PLCE1: variants seen among roughly 807,000 people sequenced by gnomAD.
PLCE1 encodes 1-phosphatidylinositol 4,5-bisphosphate phosphodiesterase epsilon-1.
A neutral mutation model predicts 242.8 loss-of-function variants in PLCE1; 119 were observed. The observed-to-expected ratio is 0.49, with a 90% CI of 0.42 to 0.57. The LOEUF (loss-of-function observed/expected upper bound fraction) is 0.57. Among genes scored for constraint, PLCE1 ranks in the 20% least tolerant of loss-of-function variants. PLCE1 has a pLI of 0.00. For synonymous variants in PLCE1, 945 were observed against 1,017.4 expected, an observed-to-expected ratio of 0.93 and a Z score of 1.35; for missense variants, 2,441 against 2,788.8, an observed-to-expected ratio of 0.88 and a Z score of 2.81.
In PLCE1 at chr10:94,298,349, A is replaced by T; in HGVS notation, c.5168-30A>T. 6.2e-7 allele frequency: 1 copy of T among 1,606,172 alleles called. No homozygotes were observed. The highest frequency in any genetic ancestry group is 8.5e-7 in the Non-Finnish European group (1 of 1,172,740). The stretch of plus-strand genomic sequence containing the variant: ...TAAAATATTTAAAGTTTTCTACACT[A>T]ATCTGCGGCTAATTTCTTGGGGGGT... On this transcript the variant is annotated intron_variant, in intron 23 of 32. Transcript: ENST00000371380. The surrounding 1 kb of genome is among the most constrained non-coding windows in gnomAD (Gnocchi z 5.2).
chr10:94,265,389 T>G (rs576042459), intron 14 of PLCE1, among the ~76,000 whole-genome samples: 20 of 152,370 alleles, frequency 1.3e-4, no homozygotes, highest in African/African-American at 4.6e-4. Context: ...TTTGTTTTCA[T>G]AGAAATCAGC....
At chr10:94,242,993 A>G (rs370772006) in intron 7 of PLCE1, among the ~76,000 whole-genome samples, 259 of 152,328 alleles carry the variant, frequency 1.7e-3, no homozygotes, top group African/African-American at 5.7e-3. Context: ...TTCACCCTCA[A>G]GGAAGTGCAA....
intron 3 of PLCE1, among the ~76,000 whole-genome samples, chr10:94,152,482 A>G (rs2047305779): frequency 6.6e-6 from 1 of 152,206 alleles, no homozygotes; most frequent in South Asian, 2.1e-4. Context: ...TCCCTCATAA[A>G]TTAAACTCTG....
At chr10:94,153,079 A>T (rs1413473695) in intron 3 of PLCE1, among the ~76,000 whole-genome samples, 4 of 152,190 alleles carry the variant, frequency 2.6e-5, no homozygotes, top group Admixed American at 2.6e-4. Context: ...CAGATTGTTT[A>T]TGATATGAAG....
At chr10:94,074,213 A>G (rs1360810023) in intron 2 of PLCE1, among the ~76,000 whole-genome samples, 1 of 123,338 alleles carries the variant, frequency 8.1e-6, no homozygotes, top group Non-Finnish European at 1.6e-5. Context: ...TTTTTCTTGT[A>G]GACAGAGTCT....
intron 4 of PLCE1, among the ~76,000 whole-genome samples, chr10:94,200,675 G>A (rs1424673275): frequency 6.6e-6 from 1 of 152,160 alleles, no homozygotes; most frequent in Non-Finnish European, 1.5e-5. Context: ...GTACAGTAGG[G>A]AAAGGGAGTA....
At chr10:94,295,343 T>C (rs189628488) in intron 23 of PLCE1, among the ~76,000 whole-genome samples, 1 of 152,290 alleles carries the variant, frequency 6.6e-6, no homozygotes, top group Admixed American at 6.5e-5. Context: ...TCGCCAAGAG[T>C]AGATTCCATC....
intron 27 of PLCE1, among the ~76,000 whole-genome samples, chr10:94,309,416 G>A (rs930763999): frequency 5.3e-5 from 8 of 151,914 alleles, no homozygotes; most frequent in Non-Finnish European, 8.8e-5. Context: ...CTGCAGCCTC[G>A]ACCTTCCTGG....
At chr10:94,295,664 C>T (rs1481656291) in intron 23 of PLCE1, among the ~76,000 whole-genome samples, 5 of 152,178 alleles carry the variant, frequency 3.3e-5, no homozygotes, top group Non-Finnish European at 5.9e-5. Context: ...TTTATTTTCA[C>T]CAGATCCATC....
intron 2 of PLCE1, among the ~76,000 whole-genome samples, chr10:94,116,694 CA>C (rs918618919): frequency 3.1e-4 from 46 of 147,004 alleles, no homozygotes; most frequent in Middle Eastern, 3.5e-3. Context: ...GACTCTGTCT[CA>C]AAAAAAAAAA....
At chr10:94,228,863 T>G (rs2050042438) in intron 5 of PLCE1, among the ~76,000 whole-genome samples, 1 of 152,080 alleles carries the variant, frequency 6.6e-6, no homozygotes, top group Non-Finnish European at 1.5e-5. Context: ...TGATTTAGAT[T>G]CTCTTTGTGA....
intron 11 of PLCE1, among the ~76,000 whole-genome samples, chr10:94,255,914 ACT>A (rs111704161): frequency 0.016 from 1,098 of 67,050 alleles, 8 homozygotes; most frequent in Non-Finnish European, 0.022. Flanking sequence ...ACACACACAC[ACT>A]CTCTCTCTCT....
chr10:94,123,143 C>T (rs943843218), intron 2 of PLCE1, among the ~76,000 whole-genome samples: 3 of 152,054 alleles, frequency 2.0e-5, no homozygotes, highest in Admixed American at 2.0e-4. Flanking sequence ...CATTGGATCA[C>T]CAAAAAGAAC....
intron 32 of PLCE1, among the ~76,000 whole-genome samples, chr10:94,327,034 C>T (rs1011948352): frequency 3.3e-5 from 5 of 152,040 alleles, no homozygotes; most frequent in East Asian, 3.9e-4. Flanking sequence ...TGGTGGTGTG[C>T]GCAGGTAGTC....
intron 3 of PLCE1, among the ~76,000 whole-genome samples, chr10:94,151,849 A>G (rs2047285506): frequency 6.6e-6 from 1 of 152,028 alleles, no homozygotes; most frequent in Non-Finnish European, 1.5e-5. Flanking sequence ...CCACAAAACA[A>G]CTCTATGGTG....
chr10:94,189,735 G>A (rs926266980), intron 4 of PLCE1, among the ~76,000 whole-genome samples: 2 of 152,184 alleles, frequency 1.3e-5, no homozygotes, highest in African/African-American at 4.8e-5. Context: ...CACATAGGGA[G>A]GCTGAAGGAG....
chr10:94,197,169 C>T (rs956390361), intron 4 of PLCE1, among the ~76,000 whole-genome samples: 2 of 152,146 alleles, frequency 1.3e-5, no homozygotes, highest in Non-Finnish European at 1.5e-5. Context: ...TGAATCAGTA[C>T]TTCATTTCTT....
rs188937916 is a variant in PLCE1, at chr10:94,331,802, G to C, written c.*3859G>C. The C allele has an allele frequency of 1.1e-4, 17 of 151,604 alleles. No individual in the cohort carries two copies. In the East Asian group the frequency reaches 3.3e-3, roughly 29 times the overall value. 9.4% of individuals were successfully genotyped at this position (151,604 alleles called of 1,614,324 possible). On this transcript the variant is annotated 3_prime_UTR_variant, in exon 33 of 33. Transcript: ENST00000371380. ...TCCTTGGCTGATGGCTATGGATTCT[G>C]ACATAGGAATACCTGAAATGAGTCC...
chr10:94,048,924 G>C lies in PLCE1; in HGVS notation c.1206+16672G>C, dbSNP rs115943025. On this transcript the variant is annotated intron_variant, in intron 2 of 32. Transcript: ENST00000371380. ...GCTGGGACTACAGGCATGCATGCCT[G>C]GCTATTTTTTTTTATTTTTAGTAGG... 6.6e-3 allele frequency among the ~76,000 whole-genome samples: 991 copies of C among 151,120 alleles called. 14 individuals carry two copies. The highest frequency in any genetic ancestry group is 0.023 in the African/African-American group (948 of 41,282).
Sources: gnomAD v4.1 joint callset for allele counts (sites outside exome capture counted in the v4.1 genomes callset) on GRCh38, gnomAD v4.1.1 for gene constraint, Gnocchi (gnomAD v3.1) non-coding constraint, MANE v1.5 for transcripts, NCBI Gene and HGNC (gene_info 2026-07-23, HGNC 2026-07-21) for gene names.